The following PTPRD variants were observed in gnomAD, a reference collection of about 807,000 sequenced individuals.
PTPRD encodes receptor-type tyrosine-protein phosphatase delta.
Under a neutral mutation model 214.5 loss-of-function variants are expected in PTPRD, and 34 were observed. That is an observed-to-expected ratio of 0.16 (90% CI 0.12 to 0.21). PTPRD has a LOEUF of 0.21. Ranked by LOEUF, PTPRD falls within the 10% of genes least tolerant of loss-of-function variation. The probability of loss-of-function intolerance (pLI) is 1.00; values close to 1 mark genes in which losing one functional copy is unlikely to be tolerated. For synonymous variants in PTPRD, 1,128 were observed against 845.7 expected (o/e 1.33, Z -5.79); for missense variants, 2,545 against 2,398.7 (o/e 1.06, Z -1.27).
At chr9:8,647,582 CA>C (rs1190966481) in intron 12 of PTPRD, among the ~76,000 whole-genome samples, 1 of 152,076 alleles carries the variant, frequency 6.6e-6, no homozygotes, top group African/African-American at 2.4e-5. Context: ...AAAAAGACTT[CA>C]AAACTTTTTT....
chr9:9,474,338 G>C (rs2094862457), intron 8 of PTPRD, among the ~76,000 whole-genome samples: 1 of 151,868 alleles, frequency 6.6e-6, no homozygotes, highest in Non-Finnish European at 1.5e-5. Context: ...CCAATATCAT[G>C]CCGTATTGAT....
chr9:8,545,469 C>T (rs532663928), intron 14 of PTPRD, among the ~76,000 whole-genome samples: 2 of 152,226 alleles, frequency 1.3e-5, no homozygotes, highest in South Asian at 4.2e-4. Context: ...AATTGCAGGA[C>T]ATGAGGTAGT....
intron 12 of PTPRD, among the ~76,000 whole-genome samples, chr9:8,717,157 A>C (rs1354778960): frequency 6.6e-6 from 1 of 152,190 alleles, no homozygotes; most frequent in Non-Finnish European, 1.5e-5. Context: ...GAATTAAAGA[A>C]AGAAAAGTTA....
At chr9:9,585,551 A>G (rs915156044) in intron 7 of PTPRD, among the ~76,000 whole-genome samples, 1 of 151,932 alleles carries the variant, frequency 6.6e-6, no homozygotes, top group Non-Finnish European at 1.5e-5. Context: ...TCCTGCTAAA[A>G]CCCACTTTGC....
At chr9:10,037,000 C>G (rs1202711327) in intron 3 of PTPRD, among the ~76,000 whole-genome samples, 4 of 152,016 alleles carry the variant, frequency 2.6e-5, no homozygotes, top group Non-Finnish European at 5.9e-5. Context: ...CCTACCACCC[C>G]AGTCTCCTTG....
At chr9:8,613,038 T>TTCAG (rs988466933) in intron 14 of PTPRD, among the ~76,000 whole-genome samples, 2 of 152,182 alleles carry the variant, frequency 1.3e-5, no homozygotes, top group Admixed American at 6.5e-5. Context: ...ATATTCAACA[T>TTCAG]TCTGTCAATA....
At chr9:9,926,674 T>C (rs1346105082) in intron 5 of PTPRD, among the ~76,000 whole-genome samples, 2 of 152,248 alleles carry the variant, frequency 1.3e-5, no homozygotes, top group African/African-American at 4.8e-5. Context: ...AAAATGATAG[T>C]TGAAAGCTAA....
intron 14 of PTPRD, among the ~76,000 whole-genome samples, chr9:8,595,593 G>A (rs2094436130): frequency 6.6e-6 from 1 of 152,180 alleles, no homozygotes; most frequent in Admixed American, 6.5e-5. Context: ...AATGGCAACA[G>A]TTTAAGAGCA....
chr9:8,830,369 A>G (rs1370036316), intron 11 of PTPRD, among the ~76,000 whole-genome samples: 1 of 152,176 alleles, frequency 6.6e-6, no homozygotes, highest in Non-Finnish European at 1.5e-5. Context: ...GGATTAAAAG[A>G]TATGAGATAA....
chr9:10,368,248 C>G (rs1351294581), intron 2 of PTPRD, among the ~76,000 whole-genome samples: 4 of 151,858 alleles, frequency 2.6e-5, no homozygotes, highest in Non-Finnish European at 4.4e-5. Flanking sequence ...TTACAATTTA[C>G]TTAGAAAAAA....
intron 11 of PTPRD, among the ~76,000 whole-genome samples, chr9:8,844,542 C>T (rs1199428095): frequency 6.6e-6 from 1 of 152,066 alleles, no homozygotes; most frequent in East Asian, 1.9e-4. Flanking sequence ...CAAGATTATG[C>T]ATATTTTAAA....
intron 11 of PTPRD, among the ~76,000 whole-genome samples, chr9:8,781,469 C>T (rs576357823): frequency 2.8e-4 from 43 of 152,172 alleles, no homozygotes; most frequent in Non-Finnish European, 4.7e-4. Flanking sequence ...AAAGATATGT[C>T]AAAAGATTTA....
intron 10 of PTPRD, among the ~76,000 whole-genome samples, chr9:9,164,524 T>A (rs965098346): frequency 6.6e-6 from 1 of 152,218 alleles, no homozygotes; most frequent in Non-Finnish European, 1.5e-5. Context: ...AATTAGGATG[T>A]AGATATCTTG....
chr9:9,600,140 A>G (rs1345723044), intron 7 of PTPRD, among the ~76,000 whole-genome samples: 1 of 152,080 alleles, frequency 6.6e-6, no homozygotes, highest in Non-Finnish European at 1.5e-5. Context: ...ATTTGGGGGA[A>G]AATGACACGA....
chr9:8,685,284 T>C (rs1046465396), intron 12 of PTPRD, among the ~76,000 whole-genome samples: 5 of 151,850 alleles, frequency 3.3e-5, no homozygotes, highest in Non-Finnish European at 4.4e-5. Flanking sequence ...ACATTATATT[T>C]GGCGTGAGAG....
chr9:9,499,347 C>A lies in PTPRD; in HGVS notation c.-237+75385G>T, dbSNP rs139722919. On this transcript the variant is annotated intron_variant, in intron 8 of 45. Transcript: ENST00000381196. ...AGATCATGAATTCTGACTTCTCCTT[C>A]TGTGTGCTTTTCACTGTACCACTCA... Among the ~76,000 whole-genome samples the A allele has an allele frequency of 2.4e-4, 37 of 152,162 alleles. No homozygotes were observed. The East Asian group carries it at 6.2e-3, about 25-fold the overall frequency.
intron 3 of PTPRD, among the ~76,000 whole-genome samples, chr9:10,258,483 T>C (rs1195556450): frequency 1.3e-5 from 2 of 152,224 alleles, no homozygotes; most frequent in African/African-American, 4.8e-5. Context: ...TAGATCATAA[T>C]GAAACTTGAT....
At chr9:9,925,433 C>T (rs566455531) in intron 5 of PTPRD, among the ~76,000 whole-genome samples, 1 of 152,056 alleles carries the variant, frequency 6.6e-6, no homozygotes, top group Non-Finnish European at 1.5e-5. Context: ...CATACAGGAC[C>T]TTGAAGGAGG....
At chr9:8,455,174 C>T (rs1177526138) in intron 33 of PTPRD, among the ~76,000 whole-genome samples, 1 of 152,198 alleles carries the variant, frequency 6.6e-6, no homozygotes, top group Non-Finnish European at 1.5e-5. Flanking sequence ...CCTCTTGCCA[C>T]ATCTTTTTTC....
Sources: gnomAD v4.1 joint callset for allele counts (sites outside exome capture counted in the v4.1 genomes callset) on GRCh38, gnomAD v4.1.1 for gene constraint, MANE v1.5 for transcripts, NCBI Gene and HGNC (gene_info 2026-07-23, HGNC 2026-07-21) for gene names.